Variants in SPPL3 observed in about 807,000 individuals in gnomAD.
SPPL3 encodes the protein signal peptide peptidase like 3, also known as signal peptide peptidase-like 3.
Under a neutral mutation model 42.4 loss-of-function variants are expected in SPPL3, and 5 were observed. That is an observed-to-expected ratio of 0.12 (90% CI 0.06 to 0.25). The LOEUF is 0.25. SPPL3 is among the 10% of genes least tolerant of loss of function. The pLI is 1.00. For missense variants in SPPL3, 235 were observed against 489.0 expected, an observed-to-expected ratio of 0.48 and a Z score of 4.90; for synonymous variants, 195 against 181.8, an observed-to-expected ratio of 1.07 and a Z score of -0.58.
At chr12:120,872,544 G>T (rs1872963342) in intron 1 of SPPL3, among the ~76,000 whole-genome samples, 1 of 152,172 alleles carries the variant, frequency 6.6e-6, no homozygotes. Context: ...AGCTGAGGCA[G>T]CCAGAATTTG....
At chr12:120,899,542 T>A (rs1566073732) in intron 1 of SPPL3, among the ~76,000 whole-genome samples, 1 of 152,068 alleles carries the variant, frequency 6.6e-6, no homozygotes, top group Non-Finnish European at 1.5e-5. Flanking sequence ...ATAGTTAGAT[T>A]AGGCATTTAC....
At chr12:120,770,539 G>T (rs80094606) in intron 6 of SPPL3, among the ~76,000 whole-genome samples, 2,543 of 152,256 alleles carry the variant, frequency 0.017, 80 homozygotes, top group African/African-American at 0.057. Context: ...CTCATTGCTA[G>T]ACACAGTAAT....
intron 1 of SPPL3, among the ~76,000 whole-genome samples, chr12:120,871,144 A>AAAAAAAAAAAAAAAAAAAAAAAAAAG (rs61249398): frequency 7.0e-6 from 1 of 142,124 alleles, no homozygotes; most frequent in African/African-American, 2.9e-5. Context: ...AAAAAAAAAA[A>AAAAAAAAAAAAAAAAAAAAAAAAAAG]AAAAAGAAAA....
Position 120,791,483 on chromosome 12 carries a change from T to C in SPPL3, c.176A>G (p.Asn59Ser), listed in dbSNP as rs762722289. The change falls in exon 3 of 11, where the codon AAC becomes AGC. Residue 59 changes from asparagine (N) to serine (S), a missense_variant. This residue lies in a region of SPPL3 where 110 missense variants were observed against 186.2 expected (regional missense o/e 0.59). Transcript: ENST00000353487. The part of the protein sequence containing the change: ...SNSSSGSFNG[N>S]STNNSIQTID... ...AAATATCTTACTATTATTGGTGCTG[T>C]TGCCATTGAAAGACCCAGAAGAACT... The C allele has an allele frequency of 5.6e-6, 9 of 1,604,908 alleles. No individual in the cohort carries two copies. The highest frequency in any genetic ancestry group is 2.5e-6 in the Non-Finnish European group (3 of 1,176,772).
At chr12:120,902,997 A>G (rs569861593) in intron 1 of SPPL3, among the ~76,000 whole-genome samples, 1 of 152,232 alleles carries the variant, frequency 6.6e-6, no homozygotes, top group East Asian at 1.9e-4. Context: ...GTCACCCCAT[A>G]AACTACACAG....
At chr12:120,852,831 A>T (rs1248565545) in intron 1 of SPPL3, among the ~76,000 whole-genome samples, 1 of 146,124 alleles carries the variant, frequency 6.8e-6, no homozygotes. Context: ...TTCATATAAT[A>T]TATACATATG....
chr12:120,763,086 T>C lies in SPPL3; in HGVS notation c.*1913A>G, dbSNP rs1868728855. On this transcript the variant is annotated 3_prime_UTR_variant, in exon 11 of 11. Transcript: ENST00000353487. ...GTGGACAGCAGAAGCTTCAGTTCTT[T>C]GATGTATCTATGACTGGGCCAGAGC... The C allele has an allele frequency of 6.6e-6, 1 of 152,204 alleles. No homozygotes were observed. The highest frequency in any genetic ancestry group is 2.4e-5 in the African/African-American group (1 of 41,428). The allele number at this position is 152,204 out of a possible 1,614,324, so 9.4% of individuals were successfully genotyped here.
intron 1 of SPPL3, among the ~76,000 whole-genome samples, chr12:120,886,073 C>A (rs1415243476): frequency 6.6e-6 from 1 of 151,732 alleles, no homozygotes; most frequent in African/African-American, 2.4e-5. Flanking sequence ...GAACTCATGA[C>A]CTCAGGTGAT....
At chr12:120,853,890 G>C (rs1592996699) in intron 1 of SPPL3, among the ~76,000 whole-genome samples, 1 of 151,320 alleles carries the variant, frequency 6.6e-6, no homozygotes, top group Non-Finnish European at 1.5e-5. Context: ...CAAGTGAGAT[G>C]AATTTGTATT....
At chr12:120,887,173 C>T (rs1015764173) in intron 1 of SPPL3, among the ~76,000 whole-genome samples, 1 of 152,070 alleles carries the variant, frequency 6.6e-6, no homozygotes, top group African/African-American at 2.4e-5. Context: ...TGGTCTCGAA[C>T]TCCTGACCTC....
At chr12:120,826,563 C>T (rs1871237468) in intron 1 of SPPL3, among the ~76,000 whole-genome samples, 1 of 152,166 alleles carries the variant, frequency 6.6e-6, no homozygotes, top group South Asian at 2.1e-4. Flanking sequence ...CAGGGGAAAC[C>T]TGTTCAGTGT....
chr12:120,861,190 T>A (rs520753), intron 1 of SPPL3, among the ~76,000 whole-genome samples: 74,324 of 151,910 alleles, frequency 0.49, 18,405 homozygotes, highest in East Asian at 0.56. Flanking sequence ...GGCCAACTGT[T>A]CTCAAATCAA....
chr12:120,862,983 C>T (rs1247342978), intron 1 of SPPL3, among the ~76,000 whole-genome samples: 2 of 152,084 alleles, frequency 1.3e-5, no homozygotes, highest in Admixed American at 6.5e-5. Flanking sequence ...TCCTCTATCA[C>T]GAAATTCTAA....
intron 1 of SPPL3, among the ~76,000 whole-genome samples, chr12:120,876,120 T>C (rs1445021378): frequency 6.6e-6 from 1 of 151,318 alleles, no homozygotes; most frequent in Non-Finnish European, 1.5e-5. Context: ...TTTTCAAGTG[T>C]ACTTAAAACA....
At chr12:120,804,795 C>A (rs1280405663) in intron 2 of SPPL3, among the ~76,000 whole-genome samples, 1 of 151,934 alleles carries the variant, frequency 6.6e-6, no homozygotes. Context: ...AACTTGTACA[C>A]AAATGTTCAC....
chr12:120,799,847 C>T (rs1182528924), intron 2 of SPPL3, among the ~76,000 whole-genome samples: 1 of 152,158 alleles, frequency 6.6e-6, no homozygotes, highest in Non-Finnish European at 1.5e-5. Context: ...AGATCCCATG[C>T]CACTATGACT....
At chr12:120,809,152 T>C (rs896598017) in intron 2 of SPPL3, among the ~76,000 whole-genome samples, 2 of 152,180 alleles carry the variant, frequency 1.3e-5, no homozygotes, top group Non-Finnish European at 2.9e-5. Context: ...GAGACCATCC[T>C]GGCTAACACG....
intron 6 of SPPL3, among the ~76,000 whole-genome samples, chr12:120,776,792 T>G (rs1869336409): frequency 6.6e-6 from 1 of 151,646 alleles, no homozygotes; most frequent in African/African-American, 2.4e-5. Flanking sequence ...AATAAAGAGG[T>G]TCAAGAAAGG....
intron 1 of SPPL3, among the ~76,000 whole-genome samples, chr12:120,862,664 T>C (rs1476827572): frequency 6.6e-6 from 1 of 152,192 alleles, no homozygotes; most frequent in Non-Finnish European, 1.5e-5. Context: ...GTGGGTGCAC[T>C]GTCCTCCCAG....
Sources: allele counts gnomAD v4.1 joint callset (sites outside exome capture counted in the v4.1 genomes callset), GRCh38; gene constraint gnomAD v4.1.1; regional missense constraint gnomAD v4.1.1; transcripts MANE v1.5; gene names NCBI Gene and HGNC (gene_info 2026-07-23, HGNC 2026-07-21).